Variants in DKK2 observed in about 807,000 individuals in gnomAD.
The protein encoded by DKK2 is dickkopf Wnt signaling pathway inhibitor 2, also known as dickkopf-related protein 2.
DKK2 carries 11 observed loss-of-function variants against 28.1 expected under a neutral mutation model. The ratio of observed to expected loss-of-function variants is 0.39; its 90% CI spans 0.25 to 0.65. The LOEUF (loss-of-function observed/expected upper bound fraction) is 0.65. Ranked by LOEUF, DKK2 falls within the 30% of genes least tolerant of loss-of-function variation. The pLI, the probability that DKK2 is intolerant of heterozygous loss-of-function variation, is 0.47. For synonymous variants in DKK2, 135 were observed against 126.5 expected, an observed-to-expected ratio of 1.07 and a Z score of -0.45; for missense variants, 326 against 335.5, an observed-to-expected ratio of 0.97 and a Z score of 0.22.
intron 1 of DKK2, among the ~76,000 whole-genome samples, chr4:106,977,091 T>C (rs1167776018): frequency 6.6e-6 from 1 of 152,172 alleles, no homozygotes; most frequent in Admixed American, 6.5e-5. Flanking sequence ...GCTTGTAGGG[T>C]TTCTGCAGAG....
chr4:106,977,839 C>G (rs1722967748), intron 1 of DKK2, among the ~76,000 whole-genome samples: 1 of 152,144 alleles, frequency 6.6e-6, no homozygotes, highest in Non-Finnish European at 1.5e-5. Context: ...GAATTTTCTG[C>G]CTTTTTGCGC....
At chr4:107,015,410 G>T (rs1212781648) in intron 1 of DKK2, among the ~76,000 whole-genome samples, 1 of 151,414 alleles carries the variant, frequency 6.6e-6, no homozygotes, top group African/African-American at 2.4e-5. Context: ...TATCTCTCTT[G>T]TAACTCCTTA....
intron 1 of DKK2, among the ~76,000 whole-genome samples, chr4:106,947,814 G>T (rs1343577013): frequency 1.3e-5 from 2 of 151,828 alleles, no homozygotes; most frequent in African/African-American, 2.4e-5. Flanking sequence ...AGCTGGGGCT[G>T]CAGGTGTATA....
At chr4:106,947,606 C>G (rs757097632) in intron 1 of DKK2, among the ~76,000 whole-genome samples, 12 of 151,804 alleles carry the variant, frequency 7.9e-5, no homozygotes, top group African/African-American at 2.4e-4. Context: ...TACATATTTT[C>G]CCATCTGATA....
Position 107,035,561 on chromosome 4 carries a change from A to T in DKK2, c.31T>A (p.Ser11Thr). 1 of 1,614,144 alleles carries T rather than the reference A, an allele frequency of 6.2e-7. No individual in the cohort carries two copies. The highest frequency in any genetic ancestry group is 8.5e-7 in the Non-Finnish European group (1 of 1,180,036). MAALMRSKDSSCCLLLLAAVL... is the reference protein window; with the variant it reads MAALMRSKDSTCCLLLLAAVL... ...GCGGCCAGTAGGAGCAGGCAGCAGG[A>T]CGAATCCTTGCTCCGCATCAACGCG... Residue 11 changes from serine to threonine, a missense_variant, in exon 1 of 4, where the codon TCC becomes ACC. Transcript: ENST00000285311.
At chr4:106,999,417 G>T (rs1723324779) in intron 1 of DKK2, among the ~76,000 whole-genome samples, 2 of 152,132 alleles carry the variant, frequency 1.3e-5, no homozygotes, top group Non-Finnish European at 2.9e-5. Flanking sequence ...CACAATCTTG[G>T]CTCACTGCAA....
chr4:106,960,429 C>G (rs1722669985), intron 1 of DKK2, among the ~76,000 whole-genome samples: 1 of 151,864 alleles, frequency 6.6e-6, no homozygotes. Flanking sequence ...AAGAGGGGAG[C>G]TGGAAAGTGA....
At chr4:106,934,751 G>C (rs1384263100) in intron 1 of DKK2, among the ~76,000 whole-genome samples, 1 of 152,124 alleles carries the variant, frequency 6.6e-6, no homozygotes. Context: ...GATAAAATTT[G>C]AAAGACTGTT....
chr4:106,964,998 T>TAGAC (rs1321284445), intron 1 of DKK2, among the ~76,000 whole-genome samples: 3 of 149,892 alleles, frequency 2.0e-5, no homozygotes, highest in Non-Finnish European at 4.4e-5. Context: ...GATAGATAGA[T>TAGAC]AGATAGATTG....
intron 1 of DKK2, among the ~76,000 whole-genome samples, chr4:106,949,919 C>A (rs1182739274): frequency 6.6e-6 from 1 of 152,082 alleles, no homozygotes; most frequent in Non-Finnish European, 1.5e-5. Context: ...CACAGCCCAG[C>A]ATTATTAAAA....
chr4:106,983,769 G>T (rs1723072122), intron 1 of DKK2, among the ~76,000 whole-genome samples: 1 of 152,074 alleles, frequency 6.6e-6, no homozygotes, highest in South Asian at 2.1e-4. Flanking sequence ...CAGTAAAAAG[G>T]CAAATAATCC....
At position 106,979,973 on chromosome 4, in the gene DKK2, T is replaced by C. The variant is rs78102210; in HGVS notation, c.223-54024A>G. ...TACTACAATAAGTCTAAATTACTCA[T>C]TCACAAACATACACATAAAACTTCT... On this transcript the variant is annotated intron_variant, in intron 1 of 3. Transcript: ENST00000285311. 2.1e-3 allele frequency among the ~76,000 whole-genome samples: 323 copies of C among 152,354 alleles called. 3 individuals carry two copies. The highest frequency in any genetic ancestry group is 7.4e-3 in the African/African-American group (309 of 41,588).
At chr4:107,029,026 G>A (rs1723835973) in intron 1 of DKK2, among the ~76,000 whole-genome samples, 1 of 152,148 alleles carries the variant, frequency 6.6e-6, no homozygotes, top group Non-Finnish European at 1.5e-5. Flanking sequence ...GGGAGGACGG[G>A]GGGCAAGTAG....
intron 1 of DKK2, among the ~76,000 whole-genome samples, chr4:106,952,001 T>C (rs919493291): frequency 6.6e-6 from 1 of 152,140 alleles, no homozygotes; most frequent in African/African-American, 2.4e-5. Context: ...TGGTATTGAC[T>C]AAACAACAAC....
At chr4:106,977,990 A>G (rs1471988101) in intron 1 of DKK2, among the ~76,000 whole-genome samples, 1 of 152,202 alleles carries the variant, frequency 6.6e-6, no homozygotes, top group African/African-American at 2.4e-5. Context: ...TCTAACAGTC[A>G]GGCCTCTCTG....
At chr4:106,987,278 T>C (rs562502792) in intron 1 of DKK2, among the ~76,000 whole-genome samples, 1 of 152,366 alleles carries the variant, frequency 6.6e-6, no homozygotes, top group African/African-American at 2.4e-5. Flanking sequence ...GTGAGCTCTT[T>C]CTAATTATAA....
intron 1 of DKK2, among the ~76,000 whole-genome samples, chr4:107,008,159 T>C (rs1723463889): frequency 6.6e-6 from 1 of 152,162 alleles, no homozygotes. Flanking sequence ...AAAATCAGCA[T>C]AGAATCATAT....
Position 106,928,345 on chromosome 4 carries a change from C to A in DKK2, c.223-2396G>T, listed in dbSNP as rs140948214. 2.2e-3 allele frequency among the ~76,000 whole-genome samples: 336 copies of A among 152,120 alleles called. 1 individual carries two copies. Among genetic ancestry groups the A allele is most frequent in the Non-Finnish European group, 4.0e-3 (269 of 67,988 alleles). ...TAATTAACTTGAAGTAAAAATGACA[C>A]AGGCAGAGAAAGTATGCCAAAAAAT... On this transcript the variant is annotated intron_variant, in intron 1 of 3. Coordinates refer to ENST00000285311, the MANE Select transcript of DKK2 (RefSeq NM_014421.3).
intron 1 of DKK2, among the ~76,000 whole-genome samples, chr4:107,016,218 G>A (rs1489585850): frequency 6.6e-6 from 1 of 151,870 alleles, no homozygotes; most frequent in African/African-American, 2.4e-5. Flanking sequence ...AGCATGCACT[G>A]TTTGCTGTAT....
Sources: allele counts gnomAD v4.1 joint callset (sites outside exome capture counted in the v4.1 genomes callset), GRCh38; gene constraint gnomAD v4.1.1; transcripts MANE v1.5; gene names NCBI Gene and HGNC (gene_info 2026-07-23, HGNC 2026-07-21).